DGKB: variants seen among roughly 807,000 people sequenced by gnomAD.
DGKB encodes the protein 90 kDa diacylglycerol kinase.
A neutral mutation model predicts 114.3 loss-of-function variants in DGKB; 67 were observed. That is an observed-to-expected ratio of 0.59 (90% confidence interval 0.48 to 0.72). The LOEUF is 0.72. Ranked by LOEUF, DGKB falls within the 30% of genes least tolerant of loss-of-function variation. The pLI is 0.00. For synonymous variants in DGKB, 398 were observed against 323.1 expected, an observed-to-expected ratio of 1.23 and a Z score of -2.49; for missense variants, 907 against 975.2, an observed-to-expected ratio of 0.93 and a Z score of 0.93.
At chr7:14,304,969 A>C (rs180843570) in intron 23 of DGKB, among the ~76,000 whole-genome samples, 3,648 of 138,368 alleles carry the variant, frequency 0.026, 127 homozygotes, top group African/African-American at 0.085. Flanking sequence ...TATCTCATAA[A>C]GACACCATTT....
At chr7:14,747,326 G>A (rs554949497) in intron 4 of DGKB, among the ~76,000 whole-genome samples, 4 of 150,954 alleles carry the variant, frequency 2.6e-5, no homozygotes, top group African/African-American at 9.8e-5. Context: ...CCCAGTATCT[G>A]GGACCACAGG....
intron 4 of DGKB, among the ~76,000 whole-genome samples, chr7:14,736,610 G>A (rs1186356286): frequency 6.6e-6 from 1 of 152,208 alleles, no homozygotes; most frequent in Non-Finnish European, 1.5e-5. Context: ...GGCACTCAGA[G>A]AGAAAGGAAT....
chr7:14,674,281 T>C (rs1185730427), intron 12 of DGKB, among the ~76,000 whole-genome samples: 1 of 152,120 alleles, frequency 6.6e-6, no homozygotes, highest in East Asian at 1.9e-4. Context: ...GTGATTTAAT[T>C]GTATTAGGCA....
chr7:14,308,204 AT>A (rs915007607), intron 23 of DGKB, among the ~76,000 whole-genome samples: 3 of 152,068 alleles, frequency 2.0e-5, no homozygotes, highest in African/African-American at 7.2e-5. Flanking sequence ...TGTCATAAAC[AT>A]TTTCAAATGA....
In DGKB at chr7:14,486,503, C is replaced by T. The variant is rs76370402; in HGVS notation, c.1771-8278G>A. On this transcript the variant is annotated intron_variant, in intron 20 of 25. Transcript: ENST00000402815. ...CCTTGGGAGGAAAAGACATCCAGCC[C>T]CAGGTGACATTTTCACCGAGGTATC... Among the ~76,000 whole-genome samples, 304 of 152,112 alleles carry T rather than the reference C, an allele frequency of 2.0e-3. 2 individuals carry two copies. Among genetic ancestry groups the T allele is most frequent in the African/African-American group, 6.9e-3 (285 of 41,510 alleles).
chr7:14,541,729 T>C (rs113691269), intron 20 of DGKB, among the ~76,000 whole-genome samples: 134 of 152,328 alleles, frequency 8.8e-4, no homozygotes, highest in African/African-American at 3.0e-3. Context: ...CACATCAATC[T>C]ACTCCTTAAT....
intron 13 of DGKB, among the ~76,000 whole-genome samples, chr7:14,668,868 C>T (rs952476174): frequency 3.9e-5 from 6 of 152,084 alleles, no homozygotes; most frequent in African/African-American, 9.7e-5. Flanking sequence ...CCAAAAGACA[C>T]GGTCACATGA....
intron 20 of DGKB, among the ~76,000 whole-genome samples, chr7:14,493,079 A>T (rs901208163): frequency 6.6e-6 from 1 of 152,114 alleles, no homozygotes; most frequent in East Asian, 1.9e-4. Context: ...AGTTTCCAGC[A>T]AAATGGTTCT....
intron 20 of DGKB, among the ~76,000 whole-genome samples, chr7:14,560,206 A>G (rs1011755716): frequency 3.3e-5 from 5 of 152,100 alleles, no homozygotes; most frequent in Non-Finnish European, 7.4e-5. Context: ...AGAACACAAC[A>G]TCAGAACTTA....
At chr7:14,522,325 T>C (rs74462462) in intron 20 of DGKB, among the ~76,000 whole-genome samples, 4,829 of 152,286 alleles carry the variant, frequency 0.032, 112 homozygotes, top group Middle Eastern at 0.051. Flanking sequence ...CTGTTGTTCA[T>C]GCACATAAAC....
chr7:14,516,100 G>T (rs1422408402), intron 20 of DGKB, among the ~76,000 whole-genome samples: 1 of 151,998 alleles, frequency 6.6e-6, no homozygotes, highest in African/African-American at 2.4e-5. Flanking sequence ...TGCCCACCTT[G>T]GCCTCCCAAA....
chr7:14,903,212 A>AGTGT (rs34367492), upstream of DGKB: 14,459 of 137,298 alleles, frequency 0.11, 792 homozygotes, highest in East Asian at 0.19. Flanking sequence ...AAGTCTGTGC[A>AGTGT]GTGTGTGTGT....
chr7:14,872,246 G>A (rs1852580006), intron 1 of DGKB, among the ~76,000 whole-genome samples: 1 of 152,070 alleles, frequency 6.6e-6, no homozygotes, highest in South Asian at 2.1e-4. Context: ...TTCTAAATAA[G>A]AGCGGCAGAA....
chr7:14,160,144 TA>T (rs1366255422), intron 25 of DGKB, among the ~76,000 whole-genome samples: 1 of 152,130 alleles, frequency 6.6e-6, no homozygotes, highest in Non-Finnish European at 1.5e-5. Flanking sequence ...AATAGCTATT[TA>T]TGACAAACCC....
intron 2 of DGKB, chr7:14,816,490 T>C (rs7784940): frequency 3.3e-5 from 5 of 152,228 alleles, no homozygotes; most frequent in Admixed American, 6.5e-5. Flanking sequence ...TAGTCTCTAG[T>C]TGTTGTTAGG....
chr7:14,213,070 G>T (rs1042251157), intron 23 of DGKB, among the ~76,000 whole-genome samples: 1 of 151,800 alleles, frequency 6.6e-6, no homozygotes, highest in Non-Finnish European at 1.5e-5. Context: ...ATATGTACCA[G>T]TTCAATTTGA....
intron 23 of DGKB, among the ~76,000 whole-genome samples, chr7:14,242,164 G>C (rs1423760316): frequency 6.6e-6 from 1 of 152,126 alleles, no homozygotes; most frequent in Admixed American, 6.5e-5. Flanking sequence ...CTGCCTACAG[G>C]CTGACATAAT....
intron 23 of DGKB, among the ~76,000 whole-genome samples, chr7:14,225,776 T>C (rs1790711491): frequency 6.6e-6 from 1 of 152,004 alleles, no homozygotes; most frequent in Admixed American, 6.6e-5. Flanking sequence ...TTTTCTACTT[T>C]GTCTACCACA....
intron 20 of DGKB, among the ~76,000 whole-genome samples, chr7:14,487,611 A>C (rs747363149): frequency 9.5e-5 from 14 of 147,690 alleles, no homozygotes; most frequent in South Asian, 8.7e-4. Flanking sequence ...TGGAGACAGA[A>C]TCTCTCCCTG....
Sources: allele counts gnomAD v4.1 joint callset (sites outside exome capture counted in the v4.1 genomes callset), GRCh38; gene constraint gnomAD v4.1.1; transcripts MANE v1.5; gene names NCBI Gene and HGNC (gene_info 2026-07-23, HGNC 2026-07-21).